Variants in CADM2 observed in about 807,000 individuals in gnomAD.
The protein encoded by CADM2 is cell adhesion molecule 2, also known as immunoglobulin superfamily member 4D.
A neutral mutation model predicts 49.8 loss-of-function variants in CADM2; 12 were observed. That is an observed-to-expected ratio of 0.24 (90% confidence interval 0.15 to 0.39). The LOEUF is 0.39. Ranked by LOEUF, CADM2 falls within the 10% of genes least tolerant of loss-of-function variation. CADM2 has a pLI of 1.00. For missense variants in CADM2, 378 were observed against 492.3 expected (o/e 0.77, Z 2.20); for synonymous variants, 214 against 175.4 (o/e 1.22, Z -1.74).
intron 1 of CADM2, among the ~76,000 whole-genome samples, chr3:85,233,686 C>T (rs13085330): frequency 0.13 from 19,602 of 151,970 alleles, 1,613 homozygotes; most frequent in Middle Eastern, 0.22. Context: ...TGATAAGCAG[C>T]AGAACGATTT....
At chr3:85,665,776 C>A (rs1002716859) in intron 1 of CADM2, among the ~76,000 whole-genome samples, 13 of 151,982 alleles carry the variant, frequency 8.6e-5, no homozygotes, top group African/African-American at 2.9e-4. Context: ...ATTTTTAACT[C>A]TCATTCACAC....
At chr3:85,375,664 C>A (rs946603321) in intron 1 of CADM2, among the ~76,000 whole-genome samples, 2 of 152,130 alleles carry the variant, frequency 1.3e-5, no homozygotes, top group African/African-American at 4.8e-5. Flanking sequence ...CAAACGAACA[C>A]ATTTTGAATC....
At chr3:85,981,148 G>T (rs544961346) in intron 8 of CADM2, among the ~76,000 whole-genome samples, 1 of 150,820 alleles carries the variant, frequency 6.6e-6, no homozygotes, top group Non-Finnish European at 1.5e-5. Context: ...TGCTTCAGAG[G>T]ACTATATATA....
intron 1 of CADM2, among the ~76,000 whole-genome samples, chr3:85,393,876 TAA>T (rs2034638194): frequency 6.6e-6 from 1 of 152,206 alleles, no homozygotes. Flanking sequence ...GCATTAATTT[TAA>T]AAGTTACTCG....
At chr3:85,202,679 A>G (rs971354554) in intron 1 of CADM2, among the ~76,000 whole-genome samples, 2 of 152,190 alleles carry the variant, frequency 1.3e-5, no homozygotes, top group African/African-American at 4.8e-5. Flanking sequence ...GTCACCAGCT[A>G]CATTAGTTCC....
At chr3:85,092,350 T>C (rs998779444) in intron 1 of CADM2, among the ~76,000 whole-genome samples, 1 of 152,162 alleles carries the variant, frequency 6.6e-6, no homozygotes, top group Non-Finnish European at 1.5e-5. Flanking sequence ...TCACTGGAAA[T>C]GTATACATAA....
intron 6 of CADM2, among the ~76,000 whole-genome samples, chr3:85,932,406 G>T (rs1292599409): frequency 2.0e-5 from 3 of 152,132 alleles, no homozygotes; most frequent in Non-Finnish European, 4.4e-5. Context: ...AAGCAGAACT[G>T]CACTAGGATA....
chr3:85,944,244 C>T (rs1049539852), intron 7 of CADM2, among the ~76,000 whole-genome samples: 15 of 152,026 alleles, frequency 9.9e-5, no homozygotes, highest in Non-Finnish European at 2.1e-4. Flanking sequence ...TATATGCGCC[C>T]AATACAGGAG....
chr3:85,566,492 T>C (rs1559914269), intron 1 of CADM2, among the ~76,000 whole-genome samples: 1 of 152,142 alleles, frequency 6.6e-6, no homozygotes, highest in African/African-American at 2.4e-5. Context: ...CTGTTTCTGC[T>C]TTTACCCAAG....
chr3:85,326,811 T>C (rs1454587196), intron 1 of CADM2, among the ~76,000 whole-genome samples: 2 of 152,174 alleles, frequency 1.3e-5, no homozygotes, highest in African/African-American at 2.4e-5. Flanking sequence ...ATGGCTTAAA[T>C]ATAATTATAT....
chr3:86,037,933 A>G (rs1209154361), intron 8 of CADM2, among the ~76,000 whole-genome samples: 1 of 152,050 alleles, frequency 6.6e-6, no homozygotes, highest in Non-Finnish European at 1.5e-5. Flanking sequence ...CCCATCACTT[A>G]GGTTTTAAAC....
At chr3:85,455,515 A>C (rs2037949214) in intron 1 of CADM2, among the ~76,000 whole-genome samples, 1 of 152,240 alleles carries the variant, frequency 6.6e-6, no homozygotes, top group South Asian at 2.1e-4. Context: ...AAAGAACATA[A>C]ACCTAAGGCC....
chr3:85,985,056 ACAATTTAATTGTGCATTAGTTGCCTTGGT>A (rs1205431352), intron 8 of CADM2, among the ~76,000 whole-genome samples: 1 of 151,976 alleles, frequency 6.6e-6, no homozygotes, highest in Non-Finnish European at 1.5e-5. Flanking sequence ...TCAATTCTTA[ACAATTTAATTGTGCATTAGTTGCCTTGGT>A]CTGTTTGGGG....
At chr3:85,677,737 G>T (rs185936182) in intron 1 of CADM2, among the ~76,000 whole-genome samples, 1 of 152,168 alleles carries the variant, frequency 6.6e-6, no homozygotes, top group Non-Finnish European at 1.5e-5. Flanking sequence ...AAGAGTTGAT[G>T]CTTGCATAAC....
chr3:85,168,510 C>A (rs1045486012), intron 1 of CADM2, among the ~76,000 whole-genome samples: 1 of 152,032 alleles, frequency 6.6e-6, no homozygotes, highest in Admixed American at 6.6e-5. Context: ...TGGTTTGTCA[C>A]CATTTATATA....
chr3:85,581,448 A>G (rs76961176), intron 1 of CADM2, among the ~76,000 whole-genome samples: 6 of 151,636 alleles, frequency 4.0e-5, no homozygotes, highest in African/African-American at 1.5e-4. Flanking sequence ...AAAAAAAAAA[A>G]GGACTTTGAG....
At chr3:85,007,975 T>A (rs751517727) in intron 1 of CADM2, among the ~76,000 whole-genome samples, 1 of 152,036 alleles carries the variant, frequency 6.6e-6, no homozygotes, top group Non-Finnish European at 1.5e-5. Flanking sequence ...AATTTGAGAG[T>A]AGAATTGGAT....
chr3:85,256,482 G>A lies in CADM2; in HGVS notation c.61+296814G>A, dbSNP rs534546689. Among the ~76,000 whole-genome samples the A allele has an allele frequency of 4.2e-4, 64 of 152,196 alleles. No homozygotes were observed. In the South Asian group the frequency reaches 0.013, roughly 31 times the overall value. The stretch of plus-strand genomic sequence containing the variant: ...TATTCAAAAAGAGCTACAACTCTGA[G>A]GCCAAAGGGCGAAGCTAAACCAATA... On this transcript the variant is annotated intron_variant, in intron 1 of 9. Transcript: ENST00000383699.
At chr3:85,362,341 A>G (rs2032420021) in intron 1 of CADM2, among the ~76,000 whole-genome samples, 1 of 152,198 alleles carries the variant, frequency 6.6e-6, no homozygotes, top group African/African-American at 2.4e-5. Flanking sequence ...TTACTTATCA[A>G]AAACATCCTT....
Sources: allele counts gnomAD v4.1 joint callset (sites outside exome capture counted in the v4.1 genomes callset), GRCh38; gene constraint gnomAD v4.1.1; transcripts MANE v1.5; gene names NCBI Gene and HGNC (gene_info 2026-07-23, HGNC 2026-07-21).